DEPDC1B: variants seen among roughly 807,000 people sequenced by gnomAD.
The protein encoded by DEPDC1B is DEP domain-containing protein 1B.
Under a neutral mutation model 66.5 loss-of-function variants are expected in DEPDC1B, and 51 were observed. The ratio of observed to expected loss-of-function variants is 0.77; its 90% CI spans 0.61 to 0.97. The LOEUF is 0.97. Among genes scored for constraint, DEPDC1B ranks in the 50% least tolerant of loss-of-function variants. The pLI is 0.00. For missense variants in DEPDC1B, 552 were observed against 637.1 expected (o/e 0.87, Z 1.44); for synonymous variants, 226 against 223.6 (o/e 1.01, Z -0.10).
intron 2 of DEPDC1B, among the ~76,000 whole-genome samples, chr5:60,662,103 T>A (rs759762936): frequency 6.6e-6 from 1 of 151,758 alleles, no homozygotes; most frequent in Non-Finnish European, 1.5e-5. Flanking sequence ...AAAAAAAAAC[T>A]TCAGGCCGGG....
At chr5:60,664,945 A>C (rs1052072468) in intron 2 of DEPDC1B, among the ~76,000 whole-genome samples, 2 of 152,216 alleles carry the variant, frequency 1.3e-5, no homozygotes, top group African/African-American at 4.8e-5. Context: ...TGGCTGTACA[A>C]AAACCTAAAG....
chr5:60,668,915 T>C lies in DEPDC1B; in HGVS notation c.314+18047A>G, dbSNP rs529338750. 9.2e-5 allele frequency among the ~76,000 whole-genome samples: 14 copies of C among 152,344 alleles called. No individual in the cohort carries two copies. In the South Asian group the frequency reaches 2.9e-3, roughly 32 times the overall value. ...TCTAGTGGGCTAAATTTCATTTTGCTTTAAAAACTGTAAATTTAATCCTAA... is the reference window on the plus strand; with the variant it reads ...TCTAGTGGGCTAAATTTCATTTTGCCTTAAAAACTGTAAATTTAATCCTAA... On this transcript the variant is annotated intron_variant, in intron 2 of 10. Coordinates refer to ENST00000265036, the MANE Select transcript of DEPDC1B (RefSeq NM_018369.3).
intron 2 of DEPDC1B, among the ~76,000 whole-genome samples, chr5:60,657,816 C>A (rs983613781): frequency 6.6e-6 from 1 of 152,176 alleles, no homozygotes; most frequent in African/African-American, 2.4e-5. Context: ...CTTTGAGCTT[C>A]TTGTATTTGG....
intron 5 of DEPDC1B, 83 bp from the exon 6 acceptor site, chr5:60,642,942 T>C (rs1753225161): frequency 4.8e-6 from 5 of 1,039,300 alleles, no homozygotes; most frequent in South Asian, 1.5e-5. Context: ...AATGTATTAC[T>C]TGCCCAAGTA....
Position 60,597,865 on chromosome 5 carries a change from T to C in DEPDC1B, c.1478A>G (p.Glu493Gly), listed in dbSNP as rs762912245. The change falls in exon 11 of 11, where the codon GAA becomes GGA. Residue 493 changes from glutamate to glycine, a missense_variant. By Grantham distance (98) the Glu-to-Gly change is moderately conservative. Coordinates refer to ENST00000265036, the MANE Select transcript of DEPDC1B (RefSeq NM_018369.3). The stretch of plus-strand genomic sequence containing the variant: ...TTCAGGAAACAGAAGTGCTGCACTT[T>C]CTGGTGTAGGAAATCGTTCTTGATA... Reference protein sequence around the residue: ...EVYQERFPTPESAALLFPEKP... With the variant: ...EVYQERFPTPGSAALLFPEKP... The C allele has an allele frequency of 5.0e-6, 8 of 1,613,028 alleles. No homozygotes were observed. Among genetic ancestry groups the C allele is most frequent in the Non-Finnish European group, 6.8e-6 (8 of 1,179,540 alleles).
Position 60,687,197 on chromosome 5 carries a change from T to G in DEPDC1B, c.79A>C (p.Lys27Gln). Residue 27 changes from lysine to glutamine, a missense_variant, in exon 2 of 11, where the codon AAG becomes CAG. Coordinates refer to ENST00000265036, the MANE Select transcript of DEPDC1B (RefSeq NM_018369.3). The part of the protein sequence containing the change: ...WNETVELFRA[K>Q]MPLRKHRCRF... ...CAGCGATGTTTCCGTAACGGCATCTTAGCACGAAAAAGCTCCACGGTCTCA... is the reference window on the plus strand; with the variant it reads ...CAGCGATGTTTCCGTAACGGCATCTGAGCACGAAAAAGCTCCACGGTCTCA... 4 of 1,612,742 alleles carry G rather than the reference T, an allele frequency of 2.5e-6. No individual in the cohort carries two copies. Among genetic ancestry groups the G allele is most frequent in the Non-Finnish European group, 3.4e-6 (4 of 1,178,768 alleles).
At chr5:60,620,025 A>C (rs185746968) in intron 7 of DEPDC1B, among the ~76,000 whole-genome samples, 4 of 152,224 alleles carry the variant, frequency 2.6e-5, no homozygotes, top group Non-Finnish European at 4.4e-5. Flanking sequence ...ACCTGACAAA[A>C]ACAAGAAATG....
intron 2 of DEPDC1B, among the ~76,000 whole-genome samples, chr5:60,651,438 G>T (rs924668793): frequency 2.0e-5 from 3 of 151,410 alleles, no homozygotes; most frequent in Admixed American, 6.6e-5. Flanking sequence ...AAAGACAGGA[G>T]AATTGCCTGA....
intron 7 of DEPDC1B, among the ~76,000 whole-genome samples, chr5:60,633,846 C>T (rs1368555769): frequency 2.0e-5 from 3 of 152,164 alleles, no homozygotes; most frequent in Non-Finnish European, 4.4e-5. Context: ...AGTAATTTCA[C>T]ATTAATGCAG....
At chr5:60,674,955 C>T (rs1000403789) in intron 2 of DEPDC1B, among the ~76,000 whole-genome samples, 9 of 152,164 alleles carry the variant, frequency 5.9e-5, no homozygotes, top group African/African-American at 1.9e-4. Flanking sequence ...GTCCTAAAGC[C>T]ACTGCCAGTA....
intron 2 of DEPDC1B, among the ~76,000 whole-genome samples, chr5:60,669,832 T>G (rs1025347716): frequency 1.3e-5 from 2 of 152,262 alleles, no homozygotes; most frequent in East Asian, 3.9e-4. Context: ...CACTCCTACC[T>G]TAAATTAACA....
chr5:60,694,896 C>T (rs1001993585), intron 1 of DEPDC1B, among the ~76,000 whole-genome samples: 1 of 152,114 alleles, frequency 6.6e-6, no homozygotes, highest in Non-Finnish European at 1.5e-5. Context: ...TTATCTTAGC[C>T]TATCAATTTC....
chr5:60,612,832 A>G (rs1164860057), intron 7 of DEPDC1B, among the ~76,000 whole-genome samples: 2 of 152,188 alleles, frequency 1.3e-5, no homozygotes, highest in African/African-American at 4.8e-5. Flanking sequence ...GCAAGGTCAC[A>G]TGCGAGCTAA....
chr5:60,655,470 A>G (rs1363101761), intron 2 of DEPDC1B, among the ~76,000 whole-genome samples: 2 of 148,856 alleles, frequency 1.3e-5, no homozygotes, highest in African/African-American at 5.1e-5. Context: ...ATCAGTTGTA[A>G]TATTTCCCAT....
intron 5 of DEPDC1B, among the ~76,000 whole-genome samples, chr5:60,643,186 C>CA (rs1753230231): frequency 6.6e-6 from 1 of 151,834 alleles, no homozygotes; most frequent in African/African-American, 2.4e-5. Context: ...TTAAGAATTA[C>CA]AAAAAGAAAA....
chr5:60,666,744 C>T (rs1179396207), intron 2 of DEPDC1B, among the ~76,000 whole-genome samples: 9 of 152,212 alleles, frequency 5.9e-5, no homozygotes, highest in South Asian at 4.1e-4. Context: ...TGTTGGTTGG[C>T]CTCCAGCCCA....
At chr5:60,660,322 GA>G (rs1459232164) in intron 2 of DEPDC1B, among the ~76,000 whole-genome samples, 5 of 33,106 alleles carry the variant, frequency 1.5e-4, no homozygotes, top group Non-Finnish European at 4.1e-4. Context: ...CAAAGGGGGG[GA>G]GAGAGAGAGA....
intron 1 of DEPDC1B, among the ~76,000 whole-genome samples, chr5:60,694,165 TAGAC>T (rs758285299): frequency 1.1e-4 from 17 of 152,276 alleles, no homozygotes; most frequent in South Asian, 2.1e-4. Flanking sequence ...TACAGACACA[TAGAC>T]AGAATTTTTC....
intron 7 of DEPDC1B, among the ~76,000 whole-genome samples, chr5:60,613,942 A>G (rs949174388): frequency 8.5e-5 from 13 of 152,226 alleles, no homozygotes; most frequent in African/African-American, 3.1e-4. Context: ...TCAATCAGTT[A>G]AGTTCTTTGT....
Sources: allele counts gnomAD v4.1 joint callset (sites outside exome capture counted in the v4.1 genomes callset), GRCh38; gene constraint gnomAD v4.1.1; transcripts MANE v1.5; gene names NCBI Gene and HGNC (gene_info 2026-07-23, HGNC 2026-07-21).